ANK2: variants seen among roughly 807,000 people sequenced by gnomAD.
ANK2 encodes the protein ankyrin 2.
Under a neutral mutation model 360.5 loss-of-function variants are expected in ANK2, and 83 were observed. The observed-to-expected ratio is 0.23, with a 90% CI of 0.19 to 0.28. ANK2 has a LOEUF of 0.28. ANK2 is among the 10% of genes least tolerant of loss of function. The pLI is 1.00. For missense variants in ANK2, 4,201 were observed against 4,795.7 expected (o/e 0.88, Z 3.66); for synonymous variants, 1,740 against 1,759.5 (o/e 0.99, Z 0.28).
At chr4:112,712,585 A>T in the ANK2 span, among the ~76,000 whole-genome samples, 5 of 148,558 alleles carry the variant, frequency 3.4e-5, no homozygotes, top group East Asian at 2.0e-4. Flanking sequence ...TTTTTTGTAT[A>T]TTTAGTAGAG....
chr4:112,932,235 T>C (rs756029729), intron 2 of ANK2, among the ~76,000 whole-genome samples: 15 of 152,154 alleles, frequency 9.9e-5, no homozygotes, highest in Non-Finnish European at 2.1e-4. Context: ...CTTATGCCTG[T>C]AATCCCAGCA....
At chr4:113,364,451 A>C (rs985668999) in intron 40 of ANK2, among the ~76,000 whole-genome samples, 2 of 152,248 alleles carry the variant, frequency 1.3e-5, no homozygotes, top group Admixed American at 1.3e-4. Context: ...TATGAACCGC[A>C]TTAAATAACA....
At chr4:112,806,362 T>C in the ANK2 span, among the ~76,000 whole-genome samples, 3 of 152,208 alleles carry the variant, frequency 2.0e-5, no homozygotes, top group African/African-American at 7.2e-5. Context: ...TCCATCCATG[T>C]TGTTGCAAAT....
the ANK2 span, among the ~76,000 whole-genome samples, chr4:112,770,020 T>C: frequency 6.6e-6 from 1 of 152,168 alleles, no homozygotes; most frequent in Non-Finnish European, 1.5e-5. Flanking sequence ...GATCTAATTA[T>C]TTCTTACTCA....
intron 2 of ANK2, among the ~76,000 whole-genome samples, chr4:113,040,836 C>G (rs1169743643): frequency 6.6e-6 from 1 of 152,008 alleles, no homozygotes; most frequent in African/African-American, 2.4e-5. Context: ...AGAGCAGTCC[C>G]TAATGTTTTT....
At chr4:113,293,401 C>G in intron 21 of ANK2, 39 bp from the exon 22 acceptor site, 1 of 1,571,968 alleles carries the variant, frequency 6.4e-7, no homozygotes, top group South Asian at 1.1e-5. Context: ...GCAGTCCTCT[C>G]TCTTATTTCT....
chr4:112,893,002 A>G (rs1364326486), intron 1 of ANK2, among the ~76,000 whole-genome samples: 1 of 152,168 alleles, frequency 6.6e-6, no homozygotes, highest in African/African-American at 2.4e-5. Flanking sequence ...GGTTATTTCA[A>G]CTATATTTCA....
chr4:113,227,317 G>T (rs999945161), intron 4 of ANK2, among the ~76,000 whole-genome samples: 4 of 152,186 alleles, frequency 2.6e-5, no homozygotes, highest in Middle Eastern at 3.4e-3. Context: ...GTACACTATT[G>T]CAAAGGGTAC....
intron 1 of ANK2, among the ~76,000 whole-genome samples, chr4:113,095,235 A>G (rs529283595): frequency 1.1e-4 from 17 of 152,042 alleles, no homozygotes; most frequent in African/African-American, 2.9e-4. Context: ...GTTTATATTG[A>G]TTTTCTTTTT....
At chr4:113,134,080 C>T (rs1257568442) in intron 1 of ANK2, among the ~76,000 whole-genome samples, 3 of 151,936 alleles carry the variant, frequency 2.0e-5, no homozygotes, top group African/African-American at 2.4e-5. Context: ...AGTGCTGAAA[C>T]CATCTATACT....
intron 1 of ANK2, among the ~76,000 whole-genome samples, chr4:113,051,605 G>T (rs2154324995): frequency 6.6e-6 from 1 of 152,208 alleles, no homozygotes; most frequent in African/African-American, 2.4e-5. Flanking sequence ...AAAAGAAATT[G>T]CTTTTGAAAA....
intron 4 of ANK2, among the ~76,000 whole-genome samples, chr4:113,213,514 T>C (rs2099048353): frequency 6.6e-6 from 1 of 152,208 alleles, no homozygotes; most frequent in Non-Finnish European, 1.5e-5. Flanking sequence ...GGTCATACTT[T>C]TATGGGTCAG....
chr4:113,160,175 G>A (rs1300685412), intron 1 of ANK2, among the ~76,000 whole-genome samples: 2 of 152,110 alleles, frequency 1.3e-5, no homozygotes, highest in African/African-American at 4.8e-5. Flanking sequence ...CCCTTAGAAA[G>A]AGTTCAGCAT....
intron 11 of ANK2, among the ~76,000 whole-genome samples, chr4:113,256,972 A>C (rs1414359052): frequency 6.6e-6 from 1 of 152,238 alleles, no homozygotes; most frequent in African/African-American, 2.4e-5. Flanking sequence ...AAATATTTTA[A>C]GTGCTGCATG....
chr4:112,958,400 C>T (rs924340354), intron 2 of ANK2, among the ~76,000 whole-genome samples: 375 of 152,296 alleles, frequency 2.5e-3, no homozygotes, highest in African/African-American at 8.7e-3. Flanking sequence ...GAGACCAGCC[C>T]GGCCAACACA....
At chr4:113,283,790 C>T (rs533942949) in intron 18 of ANK2, among the ~76,000 whole-genome samples, 24 of 152,098 alleles carry the variant, frequency 1.6e-4, no homozygotes, top group South Asian at 2.1e-4. Context: ...ATTATATGAG[C>T]TTAGTGAAAA....
intron 1 of ANK2, among the ~76,000 whole-genome samples, chr4:112,875,568 T>G (rs921505719): frequency 1.2e-4 from 18 of 152,046 alleles, no homozygotes; most frequent in Admixed American, 1.1e-3. Context: ...ACTCCTACCC[T>G]CAAGTGATCT....
At chr4:113,218,166 C>T (rs1397432429) in intron 4 of ANK2, among the ~76,000 whole-genome samples, 2 of 152,100 alleles carry the variant, frequency 1.3e-5, no homozygotes, top group Non-Finnish European at 2.9e-5. Context: ...ATGCTCTAAC[C>T]TTTACTGGTA....
At chr4:112,805,901 T>A in the ANK2 span, among the ~76,000 whole-genome samples, 47 of 152,284 alleles carry the variant, frequency 3.1e-4, no homozygotes, top group African/African-American at 8.7e-4. Context: ...ATCTTCATTT[T>A]AAAATTTTTA....
Sources: gnomAD v4.1 joint callset for allele counts (sites outside exome capture counted in the v4.1 genomes callset) on GRCh38, gnomAD v4.1.1 for gene constraint, MANE v1.5 for transcripts, NCBI Gene and HGNC (gene_info 2026-07-23, HGNC 2026-07-21) for gene names.